PTPRT: variants seen among roughly 807,000 people sequenced by gnomAD.
PTPRT encodes the protein protein tyrosine phosphatase receptor type T.
In PTPRT, 56 loss-of-function variants were observed where a neutral mutation model predicts 176.8. The ratio of observed to expected loss-of-function variants is 0.32; its 90% CI spans 0.26 to 0.40. The LOEUF is 0.40. PTPRT is among the 10% of genes least tolerant of loss of function. The pLI, the probability that PTPRT is intolerant of heterozygous loss-of-function variation, is 1.00. For missense variants in PTPRT, 1,540 were observed against 1,908.2 expected (o/e 0.81, Z 3.60); for synonymous variants, 783 against 739.0 (o/e 1.06, Z -0.96).
chr20:42,124,180 C>T (rs1239950274), intron 19 of PTPRT, among the ~76,000 whole-genome samples: 1 of 152,222 alleles, frequency 6.6e-6, no homozygotes, highest in Non-Finnish European at 1.5e-5. Flanking sequence ...AATTGGGGCT[C>T]CTCTGGGGAT....
At chr20:42,294,042 C>A (rs557550698) in intron 12 of PTPRT, among the ~76,000 whole-genome samples, 1 of 152,090 alleles carries the variant, frequency 6.6e-6, no homozygotes. Context: ...ATGTCATAGG[C>A]CTGTTTGGTA....
At chr20:42,094,627 T>C (rs1372975464) in intron 27 of PTPRT, among the ~76,000 whole-genome samples, 1 of 152,090 alleles carries the variant, frequency 6.6e-6, no homozygotes, top group East Asian at 1.9e-4. Flanking sequence ...CAGTGGCTCA[T>C]GCCTATAACC....
At chr20:42,140,337 G>C (rs1031280877) in intron 18 of PTPRT, among the ~76,000 whole-genome samples, 1 of 152,164 alleles carries the variant, frequency 6.6e-6, no homozygotes, top group African/African-American at 2.4e-5. Context: ...CACTGAGTCA[G>C]ACAAAGGCTG....
chr20:42,725,680 A>G (rs1174540823), intron 6 of PTPRT, among the ~76,000 whole-genome samples: 1 of 152,044 alleles, frequency 6.6e-6, no homozygotes, highest in Non-Finnish European at 1.5e-5. Context: ...GATGCTGGCG[A>G]GGTTGCGCAG....
At chr20:42,851,875 T>TC (rs2078478331) in intron 2 of PTPRT, among the ~76,000 whole-genome samples, 1 of 152,234 alleles carries the variant, frequency 6.6e-6, no homozygotes, top group Admixed American at 6.5e-5. Flanking sequence ...GAGATAATGA[T>TC]CTGCCTTTCC....
At chr20:42,921,175 T>C (rs1979122420) in intron 1 of PTPRT, among the ~76,000 whole-genome samples, 2 of 152,170 alleles carry the variant, frequency 1.3e-5, no homozygotes, top group Non-Finnish European at 2.9e-5. Flanking sequence ...ATTCTATCAG[T>C]GATGGTACAA....
rs1301750197 is a variant in PTPRT, at chr20:42,315,823, G to A, written c.2039C>T (p.Thr680Ile). The change falls in exon 12 of 31, where the codon ACA becomes ATA. Residue 680 changes from threonine to isoleucine, a missense_variant. Around this residue, in one of 11 missense-constraint regions of PTPRT, gnomAD observed 81 missense variants for 89.9 expected, o/e 0.90. Transcript: ENST00000373187. ...ATTGTATGTCTTATTGTCACCCACT[G>A]TAAATGGCTGGGTGACAGGCAGGTT... ...PANLPVTQPF[T>I]VGDNKTYNGY... 3.1e-6 allele frequency: 5 copies of A among 1,613,948 alleles called. No individual in the cohort carries two copies. The Admixed American group carries it at 6.7e-5, about 22-fold the overall frequency.
intron 1 of PTPRT, among the ~76,000 whole-genome samples, chr20:43,070,744 A>G (rs1312645610): frequency 1.3e-5 from 2 of 151,976 alleles, no homozygotes; most frequent in African/African-American, 4.8e-5. Context: ...CAAACACTGC[A>G]TGTTCTCACT....
At chr20:42,793,650 CTA>C (rs1256143463) in intron 2 of PTPRT, among the ~76,000 whole-genome samples, 1 of 152,072 alleles carries the variant, frequency 6.6e-6, no homozygotes. Context: ...AGCAATGTCT[CTA>C]TGTCAGAGAA....
rs200297995 is a variant in PTPRT, at chr20:42,102,251, A to G, written c.3587T>C (p.Ile1196Thr). Residue 1196 changes from isoleucine to threonine, a missense_variant, in exon 26 of 31, where the codon ATT becomes ACT. This residue lies in a region of PTPRT where 342 missense variants were observed against 394.0 expected (regional missense o/e 0.87). Coordinates refer to ENST00000373187, the MANE Select transcript of PTPRT (RefSeq NM_007050.6). ...ATCATGGTTCCGGGGCAGGAGCCCAATGCTGCAGTCCTCGGGCCGCACACG... is the reference window on the plus strand; with the variant it reads ...ATCATGGTTCCGGGGCAGGAGCCCAGTGCTGCAGTCCTCGGGCCGCACACG... ...TPRVRPEDCS[I>T]GLLPRNHDKN... 6.0e-5 allele frequency: 97 copies of G among 1,614,050 alleles called. 1 individual carries two copies. Among genetic ancestry groups the G allele is most frequent in the Non-Finnish European group, 5.8e-5 (69 of 1,180,026 alleles).
At chr20:42,701,323 T>C (rs1207815949) in intron 6 of PTPRT, among the ~76,000 whole-genome samples, 1 of 152,194 alleles carries the variant, frequency 6.6e-6, no homozygotes, top group Non-Finnish European at 1.5e-5. Context: ...AGGTCACTGA[T>C]GTAACAGTAG....
intron 13 of PTPRT, among the ~76,000 whole-genome samples, chr20:42,249,078 T>C (rs550579700): frequency 6.6e-6 from 1 of 152,342 alleles, no homozygotes; most frequent in Admixed American, 6.5e-5. Context: ...AGGTTCTCAC[T>C]TGGGCAACTG....
intron 9 of PTPRT, among the ~76,000 whole-genome samples, chr20:42,359,906 T>G (rs557321221): frequency 5.3e-5 from 8 of 152,328 alleles, no homozygotes; most frequent in African/African-American, 1.7e-4. Flanking sequence ...GGTGCGGACT[T>G]TCTTGGTTAC....
At chr20:42,741,504 C>T (rs2076609733) in intron 6 of PTPRT, among the ~76,000 whole-genome samples, 1 of 152,088 alleles carries the variant, frequency 6.6e-6, no homozygotes, top group Non-Finnish European at 1.5e-5. Context: ...ACCACCACAC[C>T]CGGCTAATTT....
At chr20:42,791,129 G>A (rs2145545102) in intron 3 of PTPRT, 66 bp downstream of exon 3, 6 of 1,507,560 alleles carry the variant, frequency 4.0e-6, no homozygotes, top group Non-Finnish European at 5.3e-6. Context: ...AGCACCTGTA[G>A]GGAGAGCAAA....
intron 11 of PTPRT, among the ~76,000 whole-genome samples, chr20:42,339,199 T>A (rs2058079513): frequency 6.6e-6 from 1 of 152,200 alleles, no homozygotes; most frequent in Non-Finnish European, 1.5e-5. Flanking sequence ...CAAACATCCA[T>A]CTTCTACCTA....
chr20:42,469,102 T>C (rs961550836), intron 8 of PTPRT, among the ~76,000 whole-genome samples: 5 of 152,290 alleles, frequency 3.3e-5, no homozygotes, highest in Admixed American at 1.3e-4. Flanking sequence ...CTCCTGTGAT[T>C]CACCACAAAT....
At chr20:42,498,625 T>C (rs964370988) in intron 7 of PTPRT, among the ~76,000 whole-genome samples, 1 of 152,158 alleles carries the variant, frequency 6.6e-6, no homozygotes, top group South Asian at 2.1e-4. Context: ...GATTTTGACA[T>C]CTTTTAGCTC....
intron 7 of PTPRT, among the ~76,000 whole-genome samples, chr20:42,521,169 C>G (rs2072168793): frequency 6.6e-6 from 1 of 152,018 alleles, no homozygotes; most frequent in African/African-American, 2.4e-5. Context: ...ATTTCTGATT[C>G]CAGTTCAACA....
Sources: allele counts gnomAD v4.1 joint callset (sites outside exome capture counted in the v4.1 genomes callset), GRCh38; gene constraint gnomAD v4.1.1; regional missense constraint gnomAD v4.1.1; transcripts MANE v1.5; gene names NCBI Gene and HGNC (gene_info 2026-07-23, HGNC 2026-07-21).